LINGO2: variants seen among roughly 807,000 people sequenced by gnomAD.
The protein encoded by LINGO2 is leucine rich repeat and Ig domain containing 2.
Under a neutral mutation model 30.6 loss-of-function variants are expected in LINGO2, and 14 were observed. The observed-to-expected ratio is 0.46, with a 90% CI of 0.30 to 0.72. LINGO2 has a LOEUF of 0.72. Ranked by LOEUF, LINGO2 falls within the 30% of genes least tolerant of loss-of-function variation. The pLI is 0.07. For synonymous variants in LINGO2, 317 were observed against 288.5 expected (o/e 1.10, Z -1.00); for missense variants, 729 against 751.7 (o/e 0.97, Z 0.35).
chr9:28,468,234 T>C (rs1345391961), intron 2 of LINGO2, among the ~76,000 whole-genome samples: 1 of 152,190 alleles, frequency 6.6e-6, no homozygotes, highest in Admixed American at 6.5e-5. Context: ...CTTTATCCTA[T>C]GTTGTGCTTC....
chr9:28,705,141 T>A, the LINGO2 span, among the ~76,000 whole-genome samples: 1 of 152,046 alleles, frequency 6.6e-6, no homozygotes, highest in Non-Finnish European at 1.5e-5. Flanking sequence ...GGTCTCGAAC[T>A]CTTGAGCTCA....
In LINGO2 at chr9:28,355,311, C is replaced by G. The variant is rs1196365368; in HGVS notation, c.-246+17525G>C. Among the ~76,000 whole-genome samples the G allele has an allele frequency of 5.0e-5, 7 of 139,760 alleles. No individual in the cohort carries two copies. In the East Asian group the frequency reaches 6.1e-4, roughly 12 times the overall value. 91.7% of individuals were successfully genotyped at this position (139,760 alleles called of 152,430 possible). On this transcript the variant is annotated intron_variant, in intron 3 of 5. Transcript: ENST00000379992. ...TCTCTCTCTCTATGTCTCTCTCTCT[C>G]TCTCTCTCTCTCTCTGTCTCTGTCT...
At chr9:28,238,223 T>A (rs1194307211) in intron 4 of LINGO2, among the ~76,000 whole-genome samples, 2 of 151,962 alleles carry the variant, frequency 1.3e-5, no homozygotes, top group Non-Finnish European at 2.9e-5. Flanking sequence ...ACATTGGAAA[T>A]ATTTACCAGG....
intron 1 of LINGO2, among the ~76,000 whole-genome samples, chr9:28,555,061 AC>A (rs1165905606): frequency 6.5e-5 from 9 of 138,972 alleles, no homozygotes; most frequent in African/African-American, 2.7e-4. Context: ...TCCAAAATTG[AC>A]ACCCTAACAT....
chr9:28,797,396 A>AGAGAGAGAGAGAGAGAGAGAGAGAG, the LINGO2 span, among the ~76,000 whole-genome samples: 2 of 143,260 alleles, frequency 1.4e-5, no homozygotes, highest in Non-Finnish European at 1.5e-5. Flanking sequence ...AGAGAGAGAG[A>AGAGAGAGAGAGAGAGAGAGAGAGAG]AAGCCTGCAG....
the LINGO2 span, among the ~76,000 whole-genome samples, chr9:29,006,460 A>T: frequency 6.6e-6 from 1 of 152,054 alleles, no homozygotes; most frequent in African/African-American, 2.4e-5. Context: ...TGTCTGGCAT[A>T]CAGACTTTTA....
the LINGO2 span, among the ~76,000 whole-genome samples, chr9:28,741,294 G>A: frequency 1.3e-5 from 2 of 152,036 alleles, no homozygotes; most frequent in Admixed American, 1.3e-4. Flanking sequence ...GTGACCTGAT[G>A]CTGGGGCAGA....
chr9:28,142,157 C>CT (rs3064726), intron 4 of LINGO2, among the ~76,000 whole-genome samples: 33,854 of 135,770 alleles, frequency 0.25, 4,305 homozygotes, highest in Non-Finnish European at 0.27. Context: ...CTTTCTTTGT[C>CT]TTTTTTTTTT....
intron 4 of LINGO2, among the ~76,000 whole-genome samples, chr9:28,251,185 T>C (rs1215648208): frequency 6.6e-6 from 1 of 152,150 alleles, no homozygotes; most frequent in African/African-American, 2.4e-5. Flanking sequence ...TGAATATAAA[T>C]CTTTCTGAAA....
chr9:28,541,207 T>A (rs1377047504), intron 1 of LINGO2, among the ~76,000 whole-genome samples: 1 of 152,146 alleles, frequency 6.6e-6, no homozygotes, highest in Non-Finnish European at 1.5e-5. Flanking sequence ...TTTAAGATAA[T>A]ATCCAGAATG....
Position 28,086,482 on chromosome 9 carries a change from GAATAT to G in LINGO2, c.-86-74082_-86-74078del, listed in dbSNP as rs745854273. On this transcript the variant is annotated intron_variant, in intron 4 of 5. Coordinates refer to ENST00000379992, the Ensembl canonical transcript of LINGO2. ...ATAAGCTTTCCTCATTTGAAACAAA[GAATAT>G]ATTTCTGGGCATATCCATGTGTGAA... 3.3e-5 allele frequency among the ~76,000 whole-genome samples: 5 copies of G among 152,056 alleles called. No homozygotes were observed. The East Asian group carries it at 9.7e-4, about 29-fold the overall frequency.
At chr9:28,228,305 G>C (rs1190175016) in intron 4 of LINGO2, among the ~76,000 whole-genome samples, 4 of 151,904 alleles carry the variant, frequency 2.6e-5, no homozygotes, top group Non-Finnish European at 5.9e-5. Flanking sequence ...CTCAGTGTTA[G>C]AGAGATCAAC....
At chr9:28,718,059 A>T in the LINGO2 span, among the ~76,000 whole-genome samples, 1 of 152,040 alleles carries the variant, frequency 6.6e-6, no homozygotes, top group Non-Finnish European at 1.5e-5. Flanking sequence ...AGGCAATGTT[A>T]TAACAGAGAT....
At chr9:28,848,393 G>GTATA in the LINGO2 span, among the ~76,000 whole-genome samples, 28 of 67,204 alleles carry the variant, frequency 4.2e-4, no homozygotes, top group African/African-American at 1.1e-3. Context: ...GTGTGTGTGT[G>GTATA]TGTGTATATA....
At chr9:28,946,891 A>G in the LINGO2 span, among the ~76,000 whole-genome samples, 2 of 152,082 alleles carry the variant, frequency 1.3e-5, no homozygotes, top group African/African-American at 4.8e-5. Flanking sequence ...CAGAGTACAT[A>G]TGTGGTTCAT....
At chr9:28,041,867 A>G (rs1162176587) in intron 4 of LINGO2, among the ~76,000 whole-genome samples, 2 of 152,172 alleles carry the variant, frequency 1.3e-5, no homozygotes, top group Non-Finnish European at 2.9e-5. Flanking sequence ...CTGGAATAAT[A>G]TTTTCAAAAC....
At chr9:29,055,940 G>GTATATATATATATGTGTATA in the LINGO2 span, among the ~76,000 whole-genome samples, 496 of 119,678 alleles carry the variant, frequency 4.1e-3, 9 homozygotes, top group Non-Finnish European at 7.1e-3. Flanking sequence ...ATGTGTGTGT[G>GTATATATATATATGTGTATA]TATATATACA....
the LINGO2 span, among the ~76,000 whole-genome samples, chr9:28,812,695 C>T: frequency 6.6e-6 from 1 of 152,124 alleles, no homozygotes; most frequent in Non-Finnish European, 1.5e-5. Flanking sequence ...CAGAGAAAGG[C>T]TTCTTCTCAC....
At chr9:28,740,680 A>G in the LINGO2 span, among the ~76,000 whole-genome samples, 12 of 152,022 alleles carry the variant, frequency 7.9e-5, no homozygotes, top group Non-Finnish European at 1.3e-4. Context: ...TTCTTAAAAA[A>G]TTGATGTAAA....
Sources: gnomAD v4.1 joint callset for allele counts (sites outside exome capture counted in the v4.1 genomes callset) on GRCh38, gnomAD v4.1.1 for gene constraint, MANE v1.5 for transcripts, NCBI Gene and HGNC (gene_info 2026-07-23, HGNC 2026-07-21) for gene names.